The following MCC variants were observed in gnomAD, a reference collection of about 807,000 sequenced individuals.
MCC encodes MCC regulator of Wnt signaling pathway.
A neutral mutation model predicts 116.2 loss-of-function variants in MCC; 90 were observed. The observed-to-expected ratio is 0.77, with a 90% CI of 0.65 to 0.92. The LOEUF is 0.92. MCC is among the 40% of genes least tolerant of loss of function. The pLI is 0.00. For synonymous variants in MCC, 578 were observed against 510.5 expected, an observed-to-expected ratio of 1.13 and a Z score of -1.78; for missense variants, 1,516 against 1,312.2, an observed-to-expected ratio of 1.16 and a Z score of -2.40.
chr5:113,324,975 G>A (rs1375417614), intron 3 of MCC, among the ~76,000 whole-genome samples: 1 of 151,252 alleles, frequency 6.6e-6, no homozygotes, highest in Non-Finnish European at 1.5e-5. Flanking sequence ...TGGGACTACA[G>A]GCACATGTCA....
rs770715061 is a variant in MCC, at chr5:113,340,631, A to G, written c.515T>C (p.Leu172Pro). ...ATGCAAAGAGCTTCCGCCATACTCG[A>G]GCAGCTTCTGGAGGGCTGACTGGCT... is the stretch of plus-strand genomic sequence containing the variant. ...VQSQSALQKL[L>P]EYGGSSLHQQ... Residue 172 changes from leucine (L) to proline (P), a missense_variant, in exon 3 of 19, where the codon CTC becomes CCC. By Grantham distance (98) the Leu-to-Pro change is moderately conservative (BLOSUM62 -3). Coordinates refer to ENST00000408903, the MANE Select transcript of MCC (RefSeq NM_001085377.2). 5 of 1,614,138 alleles carry G rather than the reference A, an allele frequency of 3.1e-6. No individual in the cohort carries two copies. The highest frequency in any genetic ancestry group is 4.5e-5 in the East Asian group (2 of 44,864).
intron 2 of MCC, among the ~76,000 whole-genome samples, chr5:113,367,769 G>C (rs534422697): frequency 6.6e-6 from 1 of 152,064 alleles, no homozygotes; most frequent in East Asian, 1.9e-4. Flanking sequence ...TGCTGGCTGA[G>C]GGGTAGGGCA....
intron 3 of MCC, among the ~76,000 whole-genome samples, chr5:113,241,753 C>A (rs1764377331): frequency 6.6e-6 from 1 of 152,194 alleles, no homozygotes; most frequent in Admixed American, 6.5e-5. Context: ...TCCACTGTTC[C>A]TTTCCTTCTC....
At chr5:113,232,846 CTACCA>C (rs1581287615) in intron 3 of MCC, among the ~76,000 whole-genome samples, 1 of 152,118 alleles carries the variant, frequency 6.6e-6, no homozygotes, top group East Asian at 1.9e-4. Context: ...AAGCCAGGCT[CTACCA>C]GTTACTATGT....
chr5:113,079,606 T>C (rs1473245712), intron 11 of MCC, among the ~76,000 whole-genome samples: 2 of 152,234 alleles, frequency 1.3e-5, no homozygotes, highest in African/African-American at 4.8e-5. Context: ...GCTAGCCATA[T>C]GTAGAAAGCT....
rs112426755 is a variant in MCC, at chr5:113,082,396, T to C, written c.1784+464A>G. Among the ~76,000 whole-genome samples the C allele has an allele frequency of 4.2e-4, 64 of 152,338 alleles. 3 individuals carry two copies. Among genetic ancestry groups the C allele is most frequent in the African/African-American group, 1.4e-3 (58 of 41,582 alleles). On this transcript the variant is annotated intron_variant, in intron 11 of 18. Transcript: ENST00000408903. ...CTGTGCTGTTTCCAGTAGCTCCAAG[T>C]GCCTCTAGGATGCTGACTCAACATT...
chr5:113,100,723 G>A (rs1026362332), intron 8 of MCC, among the ~76,000 whole-genome samples: 6 of 151,980 alleles, frequency 3.9e-5, no homozygotes, highest in Non-Finnish European at 7.4e-5. Context: ...TGCCTGCCTC[G>A]GCCTCCCAAA....
chr5:113,155,301 T>A (rs1430921240), intron 3 of MCC, among the ~76,000 whole-genome samples: 1 of 152,226 alleles, frequency 6.6e-6, no homozygotes, highest in Non-Finnish European at 1.5e-5. Flanking sequence ...CACACTTAGG[T>A]CGATTCCGTA....
chr5:113,087,055 C>T (rs1462859991), intron 8 of MCC, among the ~76,000 whole-genome samples: 2 of 152,212 alleles, frequency 1.3e-5, no homozygotes, highest in Non-Finnish European at 2.9e-5. Context: ...AAGAGTGGAG[C>T]CATGCCCCGG....
chr5:113,087,284 G>A (rs1363784269), intron 8 of MCC, among the ~76,000 whole-genome samples: 1 of 152,170 alleles, frequency 6.6e-6, no homozygotes, highest in African/African-American at 2.4e-5. Context: ...ATTCAATAGT[G>A]CAACAGCTCA....
intron 1 of MCC, among the ~76,000 whole-genome samples, chr5:113,428,326 G>C (rs1050378939): frequency 1.3e-5 from 2 of 152,086 alleles, no homozygotes; most frequent in Non-Finnish European, 2.9e-5. Context: ...TGGATGCTGG[G>C]ATGCAGCACC....
intron 3 of MCC, among the ~76,000 whole-genome samples, chr5:113,336,699 T>G (rs1175952930): frequency 6.6e-6 from 1 of 152,214 alleles, no homozygotes; most frequent in Non-Finnish European, 1.5e-5. Context: ...GTCTAGCCCT[T>G]AGGATAATAA....
chr5:113,101,915 G>A lies in MCC; in HGVS notation c.1222C>T (p.Arg408Trp), dbSNP rs537132002. ...TCAGCCAGGTTGGGATACAGGTCCCGGCCAAGCACCCCCTCAATCTCCTCG... is the reference window on the plus strand; with the variant it reads ...TCAGCCAGGTTGGGATACAGGTCCCAGCCAAGCACCCCCTCAATCTCCTCG... ...TVEEIEGVLGRDLYPNLAEER... is the reference protein window; with the variant it reads ...TVEEIEGVLGWDLYPNLAEER... Residue 408 changes from arginine to tryptophan, a missense_variant, in exon 8 of 19, where the codon CGG becomes TGG. By Grantham distance (101) the Arg-to-Trp change is moderately radical. Transcript: ENST00000408903. 31 of 1,613,546 alleles carry A rather than the reference G, an allele frequency of 1.9e-5. No homozygotes were observed. Among genetic ancestry groups the A allele is most frequent in the South Asian group, 9.9e-5 (9 of 91,066 alleles).
chr5:113,243,263 A>C (rs946309330), intron 3 of MCC, among the ~76,000 whole-genome samples: 2 of 152,208 alleles, frequency 1.3e-5, no homozygotes, highest in Non-Finnish European at 2.9e-5. Context: ...ATGAATCATC[A>C]GCACATATAA....
chr5:113,111,283 C>G lies in MCC; in HGVS notation c.1028-6928G>C, dbSNP rs374269661. Among the ~76,000 whole-genome samples, 3 of 152,320 alleles carry G rather than the reference C, an allele frequency of 2.0e-5. No individual in the cohort carries two copies. In the South Asian group the frequency reaches 6.2e-4, roughly 32 times the overall value. On this transcript the variant is annotated intron_variant, in intron 6 of 18. Coordinates refer to ENST00000408903, the MANE Select transcript of MCC (RefSeq NM_001085377.2). ...TGTGGAGTTTGTACATTGTCCCCTCCCCATGGCTGTGTGGTTTATCTTTGG... is the reference window on the plus strand; with the variant it reads ...TGTGGAGTTTGTACATTGTCCCCTCGCCATGGCTGTGTGGTTTATCTTTGG...
intron 3 of MCC, among the ~76,000 whole-genome samples, chr5:113,281,148 C>T (rs1425184850): frequency 6.6e-6 from 1 of 152,218 alleles, no homozygotes; most frequent in African/African-American, 2.4e-5. Context: ...AAATGAAACA[C>T]GTGGCCTTCG....
intron 14 of MCC, among the ~76,000 whole-genome samples, chr5:113,054,631 G>A (rs771278030): frequency 2.6e-5 from 4 of 152,218 alleles, no homozygotes; most frequent in East Asian, 3.9e-4. Flanking sequence ...AAACACAGGG[G>A]TGCACAACAC....
chr5:113,386,640 G>C (rs1258235409), intron 1 of MCC, among the ~76,000 whole-genome samples: 1 of 151,874 alleles, frequency 6.6e-6, no homozygotes, highest in Non-Finnish European at 1.5e-5. Context: ...AGCCTTTTTA[G>C]CTCATCACCC....
chr5:113,261,945 T>G (rs1365023741), intron 3 of MCC, among the ~76,000 whole-genome samples: 2 of 152,086 alleles, frequency 1.3e-5, no homozygotes, highest in South Asian at 2.1e-4. Flanking sequence ...CACAAAAAAC[T>G]ACATTATTAA....
Sources: gnomAD v4.1 joint callset for allele counts (sites outside exome capture counted in the v4.1 genomes callset) on GRCh38, gnomAD v4.1.1 for gene constraint, MANE v1.5 for transcripts, NCBI Gene and HGNC (gene_info 2026-07-23, HGNC 2026-07-21) for gene names.